Variants in CHCHD3 observed in about 807,000 individuals in gnomAD.
CHCHD3 encodes the protein coiled-coil-helix-coiled-coil-helix domain containing 3, also known as MICOS complex subunit MIC19.
Under a neutral mutation model 38.2 loss-of-function variants are expected in CHCHD3, and 20 were observed. The observed-to-expected ratio is 0.52, with a 90% CI of 0.37 to 0.76. The LOEUF is 0.76. Among genes scored for constraint, CHCHD3 ranks in the 30% least tolerant of loss-of-function variants. CHCHD3 has a pLI of 0.00. For synonymous variants in CHCHD3, 82 were observed against 100.0 expected (o/e 0.82, Z 1.07); for missense variants, 245 against 279.2 (o/e 0.88, Z 0.87).
chr7:132,861,363 C>T (rs897435182), intron 5 of CHCHD3, among the ~76,000 whole-genome samples: 3 of 152,206 alleles, frequency 2.0e-5, no homozygotes, highest in African/African-American at 4.8e-5. Context: ...CCTATTTTCT[C>T]TCACTGTATT....
intron 7 of CHCHD3, among the ~76,000 whole-genome samples, chr7:132,787,543 G>C (rs73441224): frequency 6.6e-6 from 1 of 151,902 alleles, no homozygotes; most frequent in African/African-American, 2.4e-5. Flanking sequence ...TTTTGGGTTT[G>C]TGAGGCAATT....
chr7:132,954,413 T>C (rs773755888), intron 4 of CHCHD3, among the ~76,000 whole-genome samples: 1 of 152,172 alleles, frequency 6.6e-6, no homozygotes, highest in African/African-American at 2.4e-5. Context: ...TTTGCTGGCC[T>C]GACAGTTTAG....
At chr7:132,896,486 T>TG (rs376300069) in intron 4 of CHCHD3, among the ~76,000 whole-genome samples, 2 of 152,218 alleles carry the variant, frequency 1.3e-5, no homozygotes, top group African/African-American at 4.8e-5. Flanking sequence ...TGAAAGGTGC[T>TG]GAAACATATC....
intron 4 of CHCHD3, among the ~76,000 whole-genome samples, chr7:132,912,435 G>A (rs1562905564): frequency 6.6e-6 from 1 of 152,176 alleles, no homozygotes; most frequent in Non-Finnish European, 1.5e-5. Flanking sequence ...TAAATTACAT[G>A]TTAGCCCATA....
At chr7:132,963,690 A>G (rs1278025096) in intron 4 of CHCHD3, among the ~76,000 whole-genome samples, 1 of 51,356 alleles carries the variant, frequency 1.9e-5, no homozygotes, top group African/African-American at 8.7e-5. Flanking sequence ...AACACAAACG[A>G]TTATACACAC....
intron 3 of CHCHD3, among the ~76,000 whole-genome samples, chr7:133,024,336 T>C (rs1269367074): frequency 6.6e-6 from 1 of 152,152 alleles, no homozygotes; most frequent in Non-Finnish European, 1.5e-5. Flanking sequence ...AGAGATATAA[T>C]GGTAATTCAC....
chr7:133,024,700 A>C, intron 2 of CHCHD3, 73 bp from the exon 3 acceptor site: 1 of 1,136,162 alleles, frequency 8.8e-7, no homozygotes, highest in Non-Finnish European at 1.3e-6. Context: ...AATACTCAGG[A>C]AAGCCCGGCT....
chr7:132,956,021 C>T (rs55973681), intron 4 of CHCHD3, among the ~76,000 whole-genome samples: 10,255 of 152,216 alleles, frequency 0.067, 825 homozygotes, highest in East Asian at 0.21. Flanking sequence ...TTTAACAGAG[C>T]CTGACTAAAG....
chr7:132,851,501 AG>A (rs1442072638), intron 5 of CHCHD3, among the ~76,000 whole-genome samples: 1 of 152,218 alleles, frequency 6.6e-6, no homozygotes, highest in Non-Finnish European at 1.5e-5. Flanking sequence ...AAGCAGTATC[AG>A]TCATCCACAC....
At chr7:132,803,578 C>T (rs1358924534) in intron 6 of CHCHD3, among the ~76,000 whole-genome samples, 1 of 151,874 alleles carries the variant, frequency 6.6e-6, no homozygotes, top group Non-Finnish European at 1.5e-5. Context: ...CCTCATGATG[C>T]TACTTTGGAA....
intron 3 of CHCHD3, among the ~76,000 whole-genome samples, chr7:132,976,366 T>A (rs966203569): frequency 2.6e-5 from 4 of 152,190 alleles, no homozygotes; most frequent in Non-Finnish European, 5.9e-5. Context: ...AAGATTGCAT[T>A]AGATTTCTCA....
intron 5 of CHCHD3, among the ~76,000 whole-genome samples, chr7:132,866,954 C>A (rs1302976728): frequency 6.6e-6 from 1 of 152,172 alleles, no homozygotes; most frequent in Non-Finnish European, 1.5e-5. Context: ...GGTCCCTGCT[C>A]ACGTAGCATC....
intron 2 of CHCHD3, among the ~76,000 whole-genome samples, chr7:133,054,753 C>A (rs557858514): frequency 1.3e-4 from 20 of 152,260 alleles, no homozygotes; most frequent in African/African-American, 4.6e-4. Flanking sequence ...CTGGACATTT[C>A]CTATAAATGG....
intron 4 of CHCHD3, among the ~76,000 whole-genome samples, chr7:132,957,748 G>C (rs1035459929): frequency 2.0e-5 from 3 of 152,134 alleles, no homozygotes; most frequent in Admixed American, 6.5e-5. Flanking sequence ...CCAAAGTGCT[G>C]GGATTACAGA....
chr7:132,902,141 T>C (rs982630792), intron 4 of CHCHD3, among the ~76,000 whole-genome samples: 5 of 152,130 alleles, frequency 3.3e-5, no homozygotes, highest in African/African-American at 1.2e-4. Context: ...TCATTTAGAA[T>C]GGCAATCATT....
At chr7:133,017,403 G>A (rs755623156) in intron 3 of CHCHD3, among the ~76,000 whole-genome samples, 1 of 152,074 alleles carries the variant, frequency 6.6e-6, no homozygotes, top group Non-Finnish European at 1.5e-5. Flanking sequence ...TTTATGCAAG[G>A]AATAATAAAT....
chr7:133,033,583 CT>C (rs1194905417), intron 2 of CHCHD3, among the ~76,000 whole-genome samples: 2 of 152,108 alleles, frequency 1.3e-5, no homozygotes, highest in Non-Finnish European at 2.9e-5. Context: ...GGAAATCTAG[CT>C]ATTTTATGGT....
At chr7:132,848,392 G>T (rs4728267) in intron 5 of CHCHD3, among the ~76,000 whole-genome samples, 1 of 151,926 alleles carries the variant, frequency 6.6e-6, no homozygotes, top group Admixed American at 6.6e-5. Flanking sequence ...AGAGTTAAGC[G>T]CTTGGGGACC....
intron 3 of CHCHD3, among the ~76,000 whole-genome samples, chr7:132,995,759 T>C (rs1812398644): frequency 6.6e-6 from 1 of 152,196 alleles, no homozygotes; most frequent in Non-Finnish European, 1.5e-5. Flanking sequence ...TGCTCCTTCA[T>C]TTTCTCACTC....
Sources: allele counts gnomAD v4.1 joint callset (sites outside exome capture counted in the v4.1 genomes callset), GRCh38; gene constraint gnomAD v4.1.1; transcripts MANE v1.5; gene names NCBI Gene and HGNC (gene_info 2026-07-23, HGNC 2026-07-21).